CNTNAP5: variants seen among roughly 807,000 people sequenced by gnomAD.
The protein encoded by CNTNAP5 is contactin associated protein family member 5, also known as contactin-associated protein-like 5.
CNTNAP5 carries 72 observed loss-of-function variants against 150.2 expected under a neutral mutation model. That is an observed-to-expected ratio of 0.48 (90% CI 0.40 to 0.58). The LOEUF is 0.58. Ranked by LOEUF, CNTNAP5 falls within the 20% of genes least tolerant of loss-of-function variation. The pLI, the probability that CNTNAP5 is intolerant of heterozygous loss-of-function variation, is 0.00. For missense variants in CNTNAP5, 1,636 were observed against 1,626.2 expected (o/e 1.01, Z -0.10); for synonymous variants, 672 against 619.8 (o/e 1.08, Z -1.25).
chr2:124,090,691 G>C (rs1300536586), intron 1 of CNTNAP5, among the ~76,000 whole-genome samples: 1 of 152,142 alleles, frequency 6.6e-6, no homozygotes, highest in African/African-American at 2.4e-5. Flanking sequence ...AAAAAAAGAA[G>C]AAGGAAGTAG....
At position 124,419,134 on chromosome 2, in the gene CNTNAP5, CCTT is replaced by C. The variant is rs1480062849; in HGVS notation, c.529+1547_529+1549del. ...CCGGCCTGGGCGACAGAGCGAGACT[CCTT>C]CTCAAAAAAAAAAAAAAAAAAAAAA... On this transcript the variant is annotated intron_variant, in intron 4 of 23. Coordinates refer to ENST00000682447, the MANE Select transcript of CNTNAP5 (RefSeq NM_001367498.1). 0.01 allele frequency among the ~76,000 whole-genome samples: 13 copies of C among 1,278 alleles called. No homozygotes were observed. In the Admixed American group the frequency reaches 0.18, roughly 17 times the overall value. The allele number at this position is 1,278 out of a possible 152,430, so 0.8% of individuals were successfully genotyped here. A position where few individuals can be genotyped will look rare whatever the true frequency, so the allele number is the denominator to read the frequency against.
intron 17 of CNTNAP5, among the ~76,000 whole-genome samples, chr2:124,786,398 A>AGAAAGAAG (rs1553442119): frequency 6.5e-3 from 294 of 45,060 alleles, no homozygotes; most frequent in East Asian, 0.02. Context: ...AAAGAAAGAA[A>AGAAAGAAG]GAAGGAAGGA....
chr2:124,295,489 C>T (rs1384461824), intron 3 of CNTNAP5, among the ~76,000 whole-genome samples: 8 of 131,200 alleles, frequency 6.1e-5, no homozygotes, highest in African/African-American at 8.6e-5. Flanking sequence ...CTGAGGACAG[C>T]GAAAATCACC....
At position 124,706,943 on chromosome 2, in the gene CNTNAP5, G is replaced by GAAGAAGAAGA. The variant is rs1558743370; in HGVS notation, c.2078-40285_2078-40284insAGAAGAAGAA. Among the ~76,000 whole-genome samples, 69 of 75,214 alleles carry GAAGAAGAAGA rather than the reference G, an allele frequency of 9.2e-4. 5 individuals are homozygous for GAAGAAGAAGA. Among genetic ancestry groups the GAAGAAGAAGA allele is most frequent in the African/African-American group, 3.5e-3 (68 of 19,684 alleles). The allele number at this position is 75,214 out of a possible 152,430, so 49.3% of individuals were successfully genotyped here. On this transcript the variant is annotated intron_variant, in intron 13 of 23. Coordinates refer to ENST00000682447, the MANE Select transcript of CNTNAP5 (RefSeq NM_001367498.1). Reference sequence around the variant, plus strand: ...GAAGAAGAAGAAGAAGAAGAAGAAGGAGGAGGAGGAGGAGGAGGAGGAGAA... The same window carrying GAAGAAGAAGA: ...GAAGAAGAAGAAGAAGAAGAAGAAGGAAGAAGAAGAAGGAGGAGGAGGAGGAGGAGGAGAA...
chr2:124,108,751 C>A (rs895253618), intron 1 of CNTNAP5, among the ~76,000 whole-genome samples: 4 of 152,092 alleles, frequency 2.6e-5, no homozygotes, highest in Non-Finnish European at 5.9e-5. Context: ...TTGTAGAAAC[C>A]CTTCACTGGA....
At chr2:124,684,351 G>T (rs1043521947) in intron 13 of CNTNAP5, among the ~76,000 whole-genome samples, 2 of 152,188 alleles carry the variant, frequency 1.3e-5, no homozygotes, top group African/African-American at 2.4e-5. Flanking sequence ...ACATTATACT[G>T]CAGGGAAAGA....
chr2:124,708,092 A>G (rs567013803), intron 13 of CNTNAP5, among the ~76,000 whole-genome samples: 1 of 152,310 alleles, frequency 6.6e-6, no homozygotes, highest in African/African-American at 2.4e-5. Context: ...TAGGCTTATG[A>G]TGTTCTTTGA....
chr2:124,698,992 T>C (rs777978252), intron 13 of CNTNAP5, among the ~76,000 whole-genome samples: 2 of 152,198 alleles, frequency 1.3e-5, no homozygotes, highest in Non-Finnish European at 2.9e-5. Flanking sequence ...TTTTCCAGAA[T>C]TGTAGCCACT....
intron 1 of CNTNAP5, among the ~76,000 whole-genome samples, chr2:124,145,811 T>TAAAAAAAAAAAAAAAAAAAAAAA (rs761766577): frequency 3.9e-4 from 5 of 12,790 alleles, no homozygotes; most frequent in Admixed American, 1.1e-3. Context: ...AAAAAAAACA[T>TAAAAAAAAAAAAAAAAAAAAAAA]TAAAAAAAAA....
At chr2:124,752,564 G>A (rs1287629433) in intron 14 of CNTNAP5, among the ~76,000 whole-genome samples, 3 of 152,012 alleles carry the variant, frequency 2.0e-5, no homozygotes, top group Non-Finnish European at 4.4e-5. Context: ...ACTACCCGTC[G>A]GAATTAGCTG....
At chr2:124,743,436 C>G (rs1375322959) in intron 13 of CNTNAP5, among the ~76,000 whole-genome samples, 3 of 152,270 alleles carry the variant, frequency 2.0e-5, no homozygotes, top group African/African-American at 2.4e-5. Flanking sequence ...ATCAGCCCCT[C>G]CTGTGAGATG....
chr2:124,148,766 C>T (rs546761981), intron 1 of CNTNAP5, among the ~76,000 whole-genome samples: 11 of 149,338 alleles, frequency 7.4e-5, no homozygotes, highest in Non-Finnish European at 1.2e-4. Context: ...TATATATTTG[C>T]GTGTGCACAT....
intron 19 of CNTNAP5, among the ~76,000 whole-genome samples, chr2:124,820,372 C>G (rs1301773196): frequency 3.3e-5 from 5 of 151,930 alleles, no homozygotes; most frequent in African/African-American, 9.7e-5. Context: ...ATAATGATAT[C>G]TAAACCACAA....
At chr2:124,413,167 A>C (rs1450886414) in intron 3 of CNTNAP5, among the ~76,000 whole-genome samples, 1 of 137,712 alleles carries the variant, frequency 7.3e-6, no homozygotes, top group African/African-American at 2.7e-5. Context: ...AATGCAAATC[A>C]AAACCACAAT....
chr2:124,523,828 C>G (rs1044634220), intron 8 of CNTNAP5, among the ~76,000 whole-genome samples: 2 of 152,190 alleles, frequency 1.3e-5, no homozygotes, highest in African/African-American at 2.4e-5. Flanking sequence ...TCATTGGAAT[C>G]TAGCTTTCCT....
chr2:124,637,654 G>T lies in CNTNAP5; in HGVS notation c.1877-10104G>T, dbSNP rs560263123. Among the ~76,000 whole-genome samples, 26 of 152,252 alleles carry T rather than the reference G, an allele frequency of 1.7e-4. No individual in the cohort carries two copies. The South Asian group carries it at 4.8e-3, about 28-fold the overall frequency. ...ATGGTAGGGATCCTGACTCTTTTAA[G>T]TTATTACACTGGAATCTGTGACGTG... On this transcript the variant is annotated intron_variant, in intron 12 of 23. Transcript: ENST00000682447.
intron 22 of CNTNAP5, among the ~76,000 whole-genome samples, chr2:124,910,875 T>C (rs1340453546): frequency 6.6e-6 from 1 of 151,978 alleles, no homozygotes; most frequent in Non-Finnish European, 1.5e-5. Context: ...TGCAAATTTA[T>C]ATTTAAAAAG....
chr2:124,786,333 G>GAGAAAGAAAGAAAGACAGGA (rs2104626642), intron 17 of CNTNAP5, among the ~76,000 whole-genome samples: 1 of 123,114 alleles, frequency 8.1e-6, no homozygotes, highest in East Asian at 2.6e-4. Flanking sequence ...AAGAAAGAAA[G>GAGAAAGAAAGAAAGACAGGA]AGAAAGAAAG....
chr2:124,167,043 T>C (rs1285382625), intron 1 of CNTNAP5, among the ~76,000 whole-genome samples: 1 of 152,154 alleles, frequency 6.6e-6, no homozygotes, highest in Non-Finnish European at 1.5e-5. Context: ...TTTTTGTATA[T>C]ATTTTTTGTC....
Sources: allele counts gnomAD v4.1 joint callset (sites outside exome capture counted in the v4.1 genomes callset), GRCh38; gene constraint gnomAD v4.1.1; transcripts MANE v1.5; gene names NCBI Gene and HGNC (gene_info 2026-07-23, HGNC 2026-07-21).